Variants in MUSK observed in about 807,000 individuals in gnomAD.
MUSK encodes the protein muscle associated receptor tyrosine kinase, also known as muscle, skeletal receptor tyrosine-protein kinase.
MUSK carries 55 observed loss-of-function variants against 88.7 expected under a neutral mutation model. The ratio of observed to expected loss-of-function variants is 0.62; its 90% confidence interval spans 0.50 to 0.78. The LOEUF (loss-of-function observed/expected upper bound fraction) is 0.78. Among genes scored for constraint, MUSK ranks in the 30% least tolerant of loss-of-function variants. MUSK has a pLI of 0.00. For missense variants in MUSK, 1,015 were observed against 1,074.3 expected, an observed-to-expected ratio of 0.94 and a Z score of 0.77; for synonymous variants, 387 against 391.9, an observed-to-expected ratio of 0.99 and a Z score of 0.15.
chr9:110,738,695 G>A (rs1197894194), intron 6 of MUSK, among the ~76,000 whole-genome samples: 2 of 152,152 alleles, frequency 1.3e-5, no homozygotes, highest in Non-Finnish European at 1.5e-5. Context: ...TGGGTGGGAG[G>A]TAGGGAGGAG....
At chr9:110,690,036 T>A (rs368054901) in intron 3 of MUSK, among the ~76,000 whole-genome samples, 1 of 93,424 alleles carries the variant, frequency 1.1e-5, no homozygotes, top group Admixed American at 1.8e-4. Flanking sequence ...TATATATTAA[T>A]ATAAGTATAA....
intron 5 of MUSK, among the ~76,000 whole-genome samples, chr9:110,705,886 A>C (rs1308244943): frequency 6.6e-6 from 1 of 152,198 alleles, no homozygotes; most frequent in East Asian, 1.9e-4. Flanking sequence ...TGACCAGGGA[A>C]CATCTTATTG....
chr9:110,764,635 ATAGGTAGG>A (rs1244106929), intron 8 of MUSK, among the ~76,000 whole-genome samples: 214 of 150,858 alleles, frequency 1.4e-3, no homozygotes, highest in African/African-American at 5.0e-3. Flanking sequence ...AGATAGATAG[ATAGGTAGG>A]TAGATCATCG....
rs34185224 is a variant in MUSK, at chr9:110,771,161, C to CTTTTTT, written c.1184+3095_1184+3100dup. On this transcript the variant is annotated intron_variant, in intron 9 of 14. Coordinates refer to ENST00000374448, the MANE Select transcript of MUSK (RefSeq NM_005592.4). ...AAATTTCTCTTATGCTCATTTCCTT[C>CTTTTTT]TTTTTTTTTTTTTTTTTTTTTTGTC... Among the ~76,000 whole-genome samples the CTTTTTT allele has an allele frequency of 3.7e-3, 354 of 96,420 alleles. 2 individuals are homozygous for CTTTTTT. The highest frequency in any genetic ancestry group is 9.9e-3 in the African/African-American group (244 of 24,638). 63.3% of individuals were successfully genotyped at this position (96,420 alleles called of 152,430 possible).
intron 5 of MUSK, among the ~76,000 whole-genome samples, chr9:110,702,402 G>A (rs1451193094): frequency 6.6e-6 from 1 of 152,106 alleles, no homozygotes. Context: ...ATAAAGCTGA[G>A]AACCACAAAA....
chr9:110,703,719 G>T (rs1018046798), intron 5 of MUSK, among the ~76,000 whole-genome samples: 1 of 152,044 alleles, frequency 6.6e-6, no homozygotes, highest in African/African-American at 2.4e-5. Flanking sequence ...AGTGCAGAAA[G>T]ATTTTGAAAG....
In MUSK at chr9:110,800,498, G is replaced by A. The variant is rs778908470; in HGVS notation, c.2120G>A (p.Arg707Lys). 6.2e-7 allele frequency: 1 copy of A among 1,613,864 alleles called. No individual in the cohort carries two copies. Among genetic ancestry groups the A allele is most frequent in the Admixed American group, 1.7e-5 (1 of 60,028 alleles). ...TGTGCTGAGCAGCTTTGCATTGCCA[G>A]GCAGGTGGCAGCTGGCATGGCTTAC... ...LSCAEQLCIARQVAAGMAYLS... is the reference protein window; with the variant it reads ...LSCAEQLCIAKQVAAGMAYLS... Residue 707 changes from arginine (R) to lysine (K), a missense_variant, in exon 15 of 15, where the codon AGG (arginine) becomes AAG (lysine). Physicochemically the swap from Arg to Lys is conservative, Grantham distance 26. Transcript: ENST00000374448.
At chr9:110,683,055 C>T (rs1239764333) in intron 2 of MUSK, among the ~76,000 whole-genome samples, 2 of 151,128 alleles carry the variant, frequency 1.3e-5, no homozygotes, top group Non-Finnish European at 2.9e-5. Context: ...GTTGTCTTAT[C>T]AAATAGTAGG....
At chr9:110,700,098 G>A (rs1054127384) in intron 5 of MUSK, among the ~76,000 whole-genome samples, 1 of 152,108 alleles carries the variant, frequency 6.6e-6, no homozygotes, top group East Asian at 1.9e-4. Flanking sequence ...ATGTTCAAAC[G>A]GTGACATACA....
intron 6 of MUSK, among the ~76,000 whole-genome samples, chr9:110,739,232 A>G (rs2077067142): frequency 6.6e-6 from 1 of 152,176 alleles, no homozygotes; most frequent in East Asian, 1.9e-4. Flanking sequence ...TGTTATGATT[A>G]TGGCTTATTG....
Position 110,806,215 on chromosome 9 carries a change from G to A in MUSK, c.*5227G>A, listed in dbSNP as rs1430521144. On this transcript the variant is annotated 3_prime_UTR_variant, in exon 15 of 15. Transcript: ENST00000374448. The stretch of plus-strand genomic sequence containing the variant: ...ATTTTTTAAAAATATGCAGCACTCT[G>A]ACTCAAACTCCCTTTCTTTTTCCTG... 6.6e-6 allele frequency among the ~76,000 whole-genome samples: 1 copy of A among 151,976 alleles called. No individual in the cohort carries two copies. Among genetic ancestry groups the A allele is most frequent in the Non-Finnish European group, 1.5e-5 (1 of 67,966 alleles).
At chr9:110,776,033 A>T (rs1412127095) in intron 10 of MUSK, 70 bp downstream of exon 10, 21 of 1,478,440 alleles carry the variant, frequency 1.4e-5, no homozygotes, top group Non-Finnish European at 1.3e-5. Flanking sequence ...CTAAGGTGTG[A>T]ACTTAAAGCT....
intron 8 of MUSK, among the ~76,000 whole-genome samples, chr9:110,763,393 G>A (rs1403143722): frequency 6.6e-6 from 1 of 152,088 alleles, no homozygotes; most frequent in Admixed American, 6.5e-5. Context: ...CCTTAGCAGA[G>A]TAAAGTTTAT....
At chr9:110,798,409 G>T (rs2078043967) in intron 14 of MUSK, among the ~76,000 whole-genome samples, 1 of 152,178 alleles carries the variant, frequency 6.6e-6, no homozygotes, top group Non-Finnish European at 1.5e-5. Flanking sequence ...TAGAATGGGA[G>T]TAGGCATTGA....
At chr9:110,751,963 A>T (rs1587991516) in intron 7 of MUSK, among the ~76,000 whole-genome samples, 1 of 152,332 alleles carries the variant, frequency 6.6e-6, no homozygotes, top group East Asian at 1.9e-4. Flanking sequence ...AATGAGAAAC[A>T]TGCCTATTAA....
chr9:110,692,373 G>A (rs1323489540), intron 3 of MUSK, among the ~76,000 whole-genome samples: 1 of 151,896 alleles, frequency 6.6e-6, no homozygotes, highest in Non-Finnish European at 1.5e-5. Context: ...AGTTCTCAGT[G>A]TGTTGCACAT....
intron 7 of MUSK, among the ~76,000 whole-genome samples, chr9:110,751,094 G>A (rs1401764454): frequency 1.3e-5 from 2 of 152,130 alleles, no homozygotes; most frequent in African/African-American, 4.8e-5. Flanking sequence ...CTAATAAAAT[G>A]GGTATATCTA....
chr9:110,728,793 T>C, intron 5 of MUSK: 1 of 1,199,816 alleles, frequency 8.3e-7, no homozygotes, highest in Admixed American at 2.8e-5. Flanking sequence ...GTTGACCTTA[T>C]AAACAGCTCT....
intron 2 of MUSK, among the ~76,000 whole-genome samples, chr9:110,684,251 T>C (rs571752320): frequency 6.6e-6 from 1 of 152,250 alleles, no homozygotes; most frequent in Non-Finnish European, 1.5e-5. Context: ...TTTTTCCCAG[T>C]GTATGTTCTT....
Sources: gnomAD v4.1 joint callset for allele counts (sites outside exome capture counted in the v4.1 genomes callset) on GRCh38, gnomAD v4.1.1 for gene constraint, MANE v1.5 for transcripts, NCBI Gene and HGNC (gene_info 2026-07-23, HGNC 2026-07-21) for gene names.